Variants in GLS observed in about 807,000 individuals in gnomAD.
The protein encoded by GLS is glutaminase.
GLS carries 36 observed loss-of-function variants against 86.7 expected under a neutral mutation model. The ratio of observed to expected loss-of-function variants is 0.42; its 90% confidence interval spans 0.32 to 0.55. The LOEUF (loss-of-function observed/expected upper bound fraction) is 0.55. Ranked by LOEUF, GLS falls within the 20% of genes least tolerant of loss-of-function variation. The probability of loss-of-function intolerance (pLI) is 0.17; values close to 1 mark genes in which losing one functional copy is unlikely to be tolerated. For missense variants in GLS, 528 were observed against 833.4 expected, an observed-to-expected ratio of 0.63 and a Z score of 4.51; for synonymous variants, 317 against 305.9, an observed-to-expected ratio of 1.04 and a Z score of -0.38.
chr2:190,912,154 A>T (rs750688519), intron 7 of GLS, among the ~76,000 whole-genome samples: 2 of 152,146 alleles, frequency 1.3e-5, no homozygotes, highest in Non-Finnish European at 2.9e-5. Flanking sequence ...TACATACAAC[A>T]TAAGTGTGGT....
intron 3 of GLS, among the ~76,000 whole-genome samples, chr2:190,899,663 A>G (rs946432548): frequency 6.6e-6 from 1 of 152,102 alleles, no homozygotes; most frequent in African/African-American, 2.4e-5. Flanking sequence ...TAAATATTCT[A>G]TTACTGCATT....
At chr2:190,883,436 A>G (rs1293899213) in intron 1 of GLS, among the ~76,000 whole-genome samples, 1 of 152,226 alleles carries the variant, frequency 6.6e-6, no homozygotes, top group Non-Finnish European at 1.5e-5. Context: ...GTATGCTAGC[A>G]CTCACTCAGG....
At chr2:190,916,737 C>T (rs1462755784) in intron 7 of GLS, among the ~76,000 whole-genome samples, 1 of 152,072 alleles carries the variant, frequency 6.6e-6, no homozygotes, top group Non-Finnish European at 1.5e-5. Flanking sequence ...TATTGCAGAT[C>T]ACCTAACTAA....
In GLS at chr2:190,881,075, A is replaced by T. The variant is rs753046460; in HGVS notation, c.-10A>T. 62 of 1,550,760 alleles carry T rather than the reference A, an allele frequency of 4.0e-5. No individual in the cohort carries two copies. The highest frequency in any genetic ancestry group is 4.9e-5 in the Non-Finnish European group (57 of 1,155,292). On this transcript the variant is annotated 5_prime_UTR_variant, in exon 1 of 18. Coordinates refer to ENST00000320717, the MANE Select transcript of GLS (RefSeq NM_014905.5). ...TCCCCTGTTGAGCGGGCGCTGACGG[A>T]CCCGGCGGCATGATGCGGCTGCGAG...
Position 190,900,681 on chromosome 2 carries a change from G to A in GLS, c.723G>A (p.Gln241=). ...AGTTATATGAAAGTGCTAAAAAGCA[G>A]TCTGGAGGAAAGGTAATGCTTTTGA... ...IDELYESAKK[Q]SGGKVADYIP... The change falls in exon 4 of 18, where the codon CAG becomes CAA. Residue 241 remains glutamine, a synonymous_variant. Coordinates refer to ENST00000320717, the MANE Select transcript of GLS (RefSeq NM_014905.5). The A allele has an allele frequency of 6.2e-7, 1 of 1,606,946 alleles. No homozygotes were observed.
rs1690499790 is a variant in GLS at position 190,943,403 on chromosome 2, C to G, written c.1651-10162C>G. Among the ~76,000 whole-genome samples, 1 of 151,986 alleles carries G rather than the reference C, an allele frequency of 6.6e-6. No individual in the cohort carries two copies. Among genetic ancestry groups the G allele is most frequent in the African/African-American group, 2.4e-5 (1 of 41,380 alleles). On this transcript the variant is annotated intron_variant, in intron 14 of 17. Coordinates refer to ENST00000320717, the MANE Select transcript of GLS (RefSeq NM_014905.5). The surrounding 1 kb of genome is among the most constrained non-coding windows in gnomAD (Gnocchi z 4.5). ...GTATCAAAGACAGAACCCTAAGAAA[C>G]CATCATTTTAAAGGTAAGATAGAGT... is the stretch of plus-strand genomic sequence containing the variant.
intron 6 of GLS, among the ~76,000 whole-genome samples, chr2:190,909,422 G>T (rs914778112): frequency 6.6e-6 from 1 of 152,054 alleles, no homozygotes; most frequent in Non-Finnish European, 1.5e-5. Flanking sequence ...TATTCCCCCT[G>T]TGTAACTGAA....
Position 190,901,996 on chromosome 2 carries a change from G to A in GLS, c.785G>A (p.Gly262Asp). 5.0e-6 allele frequency: 8 copies of A among 1,611,682 alleles called. No individual in the cohort carries two copies. Among genetic ancestry groups the A allele is most frequent in the Non-Finnish European group, 3.4e-6 (4 of 1,177,936 alleles). The change falls in exon 5 of 18, where the codon GGT becomes GAT. Residue 262 changes from glycine to aspartate, a missense_variant. Transcript: ENST00000320717. ...GCCAAATTCAGTCCCGATTTGTGGG[G>A]TGTGTCTGTTTGTACAGTAGATGGA... is the stretch of plus-strand genomic sequence containing the variant. ...QLAKFSPDLW[G>D]VSVCTVDGQR...
chr2:190,902,641 A>G (rs775455158), intron 5 of GLS, among the ~76,000 whole-genome samples: 2 of 152,212 alleles, frequency 1.3e-5, no homozygotes, highest in Non-Finnish European at 1.5e-5. Context: ...AAAATCAAAG[A>G]ATTAAGAGAG....
chr2:190,881,036 C>A lies in GLS; in HGVS notation c.-49C>A. ...GTTCCCCGAGGAAACCGGCCGCCCACGCCCGGAGCATCCTCCCCTGTTGAG... is the reference window on the plus strand; with the variant it reads ...GTTCCCCGAGGAAACCGGCCGCCCAAGCCCGGAGCATCCTCCCCTGTTGAG... On this transcript the variant is annotated 5_prime_UTR_variant, in exon 1 of 18. Transcript: ENST00000320717. 1 of 1,522,536 alleles carries A rather than the reference C, an allele frequency of 6.6e-7. No homozygotes were observed. Among genetic ancestry groups the A allele is most frequent in the Non-Finnish European group, 8.8e-7 (1 of 1,139,204 alleles). The allele number at this position is 1,522,536 out of a possible 1,614,324, so 94.3% of individuals were successfully genotyped here.
Position 190,935,069 on chromosome 2 carries a change from C to CT in GLS, c.1650+3438dup. ...TTTACAATGTAGCATATTTGATTTT[C>CT]TTTTTTCTTTCTTTTTTTGGCATCA... On this transcript the variant is annotated intron_variant, in intron 14 of 17. Coordinates refer to ENST00000320717, the MANE Select transcript of GLS (RefSeq NM_014905.5). The surrounding 1 kb of genome is among the most constrained non-coding windows in gnomAD (Gnocchi z 4.2). 1 of 943,968 alleles carries CT rather than the reference C, an allele frequency of 1.1e-6. No individual in the cohort carries two copies. The highest frequency in any genetic ancestry group is 1.3e-6 in the Non-Finnish European group (1 of 792,770). The allele number at this position is 943,968 out of a possible 1,614,324, so 58.5% of individuals were successfully genotyped here.
chr2:190,948,749 G>A (rs1341569055), intron 14 of GLS, among the ~76,000 whole-genome samples: 1 of 152,172 alleles, frequency 6.6e-6, no homozygotes, highest in Non-Finnish European at 1.5e-5. Context: ...AAAGGTAGAC[G>A]GAGATTACTT....
At chr2:190,931,677 TAAG>T (rs1399715330) in intron 14 of GLS, 40 bp downstream of exon 14, 2 of 952,568 alleles carry the variant, frequency 2.1e-6, no homozygotes, top group Non-Finnish European at 3.3e-6. Flanking sequence ...ATAAAATTTT[TAAG>T]AAGAGAAAAA....
At chr2:190,910,566 T>C (rs1267260789) in intron 7 of GLS, among the ~76,000 whole-genome samples, 3 of 151,020 alleles carry the variant, frequency 2.0e-5, no homozygotes, top group Admixed American at 2.0e-4. Flanking sequence ...GACTTGAAGA[T>C]CTGGAAAATA....
chr2:190,880,882 GC>G lies in GLS; in HGVS notation c.-202del. 1 of 435,856 alleles carries G rather than the reference GC, an allele frequency of 2.3e-6. No individual in the cohort carries two copies. The highest frequency in any genetic ancestry group is 3.4e-6 in the Non-Finnish European group (1 of 295,808). The allele number at this position is 435,856 out of a possible 1,614,324, so 27.0% of individuals were successfully genotyped here. On this transcript the variant is annotated 5_prime_UTR_variant, in exon 1 of 18. Coordinates refer to ENST00000320717, the MANE Select transcript of GLS (RefSeq NM_014905.5). ...GCGGCAATCCTAGCGCGCAGCAGCAGCAGCAGCAGCAGCAGCAGCAGCAGCA... is the reference window on the plus strand; with the variant it reads ...GCGGCAATCCTAGCGCGCAGCAGCAGAGCAGCAGCAGCAGCAGCAGCAGCA...
rs1690720108 is a variant in GLS, at chr2:190,951,536, T to C, written c.1651-2029T>C. Among the ~76,000 whole-genome samples the C allele has an allele frequency of 6.6e-6, 1 of 152,010 alleles. No homozygotes were observed. The highest frequency in any genetic ancestry group is 2.1e-4 in the South Asian group (1 of 4,804). ...GAACAGGGCATCTAGAGGATAAGTG[T>C]TTGAAGGAATAGATAAAAAGTAGTC... On this transcript the variant is annotated intron_variant, in intron 14 of 17. Transcript: ENST00000320717. The surrounding 1 kb of genome is among the most constrained non-coding windows in gnomAD (Gnocchi z 4.2).
Position 190,901,067 on chromosome 2 carries a change from A to G in GLS, c.735+374A>G, listed in dbSNP as rs111350540. On this transcript the variant is annotated intron_variant, in intron 4 of 17. Transcript: ENST00000320717. The stretch of plus-strand genomic sequence containing the variant: ...ACTAGGAACTATTTGATTTTCATAT[A>G]GAAAGTTTTCATTTTCTTTTGTTTT... Among the ~76,000 whole-genome samples the G allele has an allele frequency of 6.5e-3, 991 of 152,228 alleles. 10 individuals are homozygous for G. Among genetic ancestry groups the G allele is most frequent in the African/African-American group, 0.023 (940 of 41,574 alleles).
At chr2:190,881,530 T>C (rs1688180634) in intron 1 of GLS, 60 bp downstream of exon 1, 3 of 1,445,544 alleles carry the variant, frequency 2.1e-6, no homozygotes, top group Admixed American at 2.1e-5. Flanking sequence ...GCTCAGGCTG[T>C]GTGGGGCCCT....
rs1690872048 is a variant in GLS, at chr2:190,956,870, T to C, written c.1853+2052T>C. Among the ~76,000 whole-genome samples the C allele has an allele frequency of 6.6e-6, 1 of 152,206 alleles. No individual in the cohort carries two copies. The highest frequency in any genetic ancestry group is 6.5e-5 in the Admixed American group (1 of 15,290). ...TATTTTATTCTCTTTGTAGCAGTTG[T>C]GAATGGGAGTTCACTCATGATTTGG... is the stretch of plus-strand genomic sequence containing the variant. On this transcript the variant is annotated intron_variant, in intron 17 of 17. Coordinates refer to ENST00000320717, the MANE Select transcript of GLS (RefSeq NM_014905.5). This position sits in a 1 kb window ranked among gnomAD's most constrained non-coding sequence, Gnocchi z 4.2.
Sources: gnomAD v4.1 joint callset for allele counts (sites outside exome capture counted in the v4.1 genomes callset) on GRCh38, gnomAD v4.1.1 for gene constraint, Gnocchi (gnomAD v3.1) non-coding constraint, MANE v1.5 for transcripts, NCBI Gene and HGNC (gene_info 2026-07-23, HGNC 2026-07-21) for gene names.